The following RAB2A variants were observed in gnomAD, a reference collection of about 807,000 sequenced individuals.
RAB2A encodes ras-related protein Rab-2A.
A neutral mutation model predicts 32.5 loss-of-function variants in RAB2A; 7 were observed. The observed-to-expected ratio is 0.22, with a 90% CI of 0.12 to 0.40. The LOEUF (loss-of-function observed/expected upper bound fraction) is 0.40. Ranked by LOEUF, RAB2A falls within the 10% of genes least tolerant of loss-of-function variation. The pLI is 1.00. For synonymous variants in RAB2A, 79 were observed against 85.2 expected (o/e 0.93, Z 0.40); for missense variants, 108 against 260.7 (o/e 0.41, Z 4.03).
intron 4 of RAB2A, 131 bp from the exon 5 acceptor site, chr8:60,584,592 T>A (rs924991317): frequency 2.9e-6 from 2 of 699,528 alleles, no homozygotes; most frequent in Non-Finnish European, 4.7e-6. Flanking sequence ...CCAGATATGG[T>A]GCTTAAAACT....
At chr8:60,516,940 C>G (rs1020972082), upstream of RAB2A, 1 of 350,654 alleles carries the variant, frequency 2.9e-6, no homozygotes, top group Non-Finnish European at 5.2e-6. Context: ...GGCCGCAGAA[C>G]TTCCGGGTCG....
At chr8:60,584,564 A>G (rs902831007) in intron 4 of RAB2A, among the ~76,000 whole-genome samples, 159 bp from the exon 5 acceptor site, 1 of 152,252 alleles carries the variant, frequency 6.6e-6, no homozygotes, top group Non-Finnish European at 1.5e-5. Context: ...ACTGAAATAC[A>G]ATCAGTGAAC....
chr8:60,529,103 G>C (rs1343668277), intron 1 of RAB2A, among the ~76,000 whole-genome samples: 2 of 149,122 alleles, frequency 1.3e-5, no homozygotes, highest in African/African-American at 4.9e-5. Flanking sequence ...TTTTTTCTTT[G>C]TCTTTTTCTT....
At chr8:60,518,076 G>T (rs55761966) in intron 1 of RAB2A, among the ~76,000 whole-genome samples, 22,663 of 152,110 alleles carry the variant, frequency 0.15, 1,847 homozygotes, top group East Asian at 0.26. Flanking sequence ...GTGAGCTCAT[G>T]TCCATGAGCT....
intron 6 of RAB2A, among the ~76,000 whole-genome samples, chr8:60,596,234 A>C (rs1176846526): frequency 1.3e-5 from 2 of 152,246 alleles, no homozygotes; most frequent in African/African-American, 4.8e-5. Context: ...GGACATAGGC[A>C]TGGGCAAAGA....
intron 5 of RAB2A, among the ~76,000 whole-genome samples, chr8:60,589,601 T>C (rs1038678732): frequency 7.2e-5 from 11 of 152,126 alleles, no homozygotes; most frequent in Admixed American, 7.2e-4. Context: ...GTAAGGGTTG[T>C]AATGCAAACC....
At chr8:60,593,751 C>G (rs1227269721) in intron 6 of RAB2A, among the ~76,000 whole-genome samples, 1 of 151,922 alleles carries the variant, frequency 6.6e-6, no homozygotes, top group East Asian at 1.9e-4. Flanking sequence ...TAATAGGTGC[C>G]AACAGTGAAA....
chr8:60,546,685 TTTAA>T (rs1368401512), intron 1 of RAB2A, among the ~76,000 whole-genome samples: 1 of 152,198 alleles, frequency 6.6e-6, no homozygotes, highest in Non-Finnish European at 1.5e-5. Flanking sequence ...GGTTAACTGG[TTTAA>T]TTCTCACAAC....
intron 1 of RAB2A, among the ~76,000 whole-genome samples, chr8:60,540,635 A>C (rs1807626841): frequency 6.6e-6 from 1 of 152,104 alleles, no homozygotes; most frequent in South Asian, 2.1e-4. Context: ...ATGTGCCACC[A>C]CGCCTGGCTA....
intron 6 of RAB2A, 168 bp downstream of exon 6, chr8:60,592,137 C>A: frequency 2.3e-6 from 1 of 428,182 alleles, no homozygotes; most frequent in South Asian, 5.6e-5. Context: ...TTCTGTCAGA[C>A]TCTTAAATCA....
intron 2 of RAB2A, among the ~76,000 whole-genome samples, chr8:60,564,089 ATTATATTCACCCT>A (rs1268695223): frequency 6.6e-6 from 1 of 152,162 alleles, no homozygotes; most frequent in Non-Finnish European, 1.5e-5. Flanking sequence ...TTTTATTTCC[ATTATATTCACCCT>A]TTAGTTTCCT....
Position 60,558,833 on chromosome 8 carries a change from A to AT in RAB2A, c.47-10dup, listed in dbSNP as rs754591239. 250 of 1,557,724 alleles carry AT rather than the reference A, an allele frequency of 1.6e-4. No homozygotes were observed. Among genetic ancestry groups the AT allele is most frequent in the Non-Finnish European group, 1.9e-4 (210 of 1,134,596 alleles). Reference sequence around the variant, plus strand: ...TTTCTGTGAATTTTGTCTCTTATTTATTTTTTTTTAACTTTCAGGTGTTGG... The same window carrying AT: ...TTTCTGTGAATTTTGTCTCTTATTTATTTTTTTTTTAACTTTCAGGTGTTGG... On this transcript the variant is annotated intron_variant, in intron 1 of 7. Transcript: ENST00000262646.
intron 1 of RAB2A, among the ~76,000 whole-genome samples, chr8:60,524,086 A>T (rs1807342760): frequency 1.3e-5 from 2 of 152,094 alleles, no homozygotes; most frequent in Non-Finnish European, 2.9e-5. Context: ...ATAGTGAATC[A>T]TAGAGGCTAT....
At position 60,525,900 on chromosome 8, in the gene RAB2A, GT is replaced by G. The variant is rs893195706; in HGVS notation, c.46+8654del. On this transcript the variant is annotated intron_variant, in intron 1 of 7. Coordinates refer to ENST00000262646, the MANE Select transcript of RAB2A (RefSeq NM_002865.3). ...GGCACTTATATATATATATTTTTTA[GT>G]TTTTTTAATGTAAATGAGAGAATAA... Among the ~76,000 whole-genome samples, 367 of 147,464 alleles carry G rather than the reference GT, an allele frequency of 2.5e-3. 1 individual carries two copies. Among genetic ancestry groups the G allele is most frequent in the Non-Finnish European group, 3.4e-3 (226 of 66,864 alleles).
chr8:60,539,387 C>T lies in RAB2A; in HGVS notation c.47-19465C>T, dbSNP rs113972141. On this transcript the variant is annotated intron_variant, in intron 1 of 7. Transcript: ENST00000262646. Reference sequence around the variant, plus strand: ...TTATCTCTTTTATTACATATTATCTCTTTTATTTCTCACAATAGCCAATGA... The same window carrying T: ...TTATCTCTTTTATTACATATTATCTTTTTTATTTCTCACAATAGCCAATGA... Among the ~76,000 whole-genome samples the T allele has an allele frequency of 4.0e-3, 606 of 152,260 alleles. 7 individuals are homozygous for T. Among genetic ancestry groups the T allele is most frequent in the African/African-American group, 0.014 (585 of 41,532 alleles).
chr8:60,575,839 T>C (rs962856606), intron 3 of RAB2A, among the ~76,000 whole-genome samples: 1 of 152,058 alleles, frequency 6.6e-6, no homozygotes. Context: ...GTATTTTTAG[T>C]AGAGACGGGG....
chr8:60,568,880 A>T (rs914952476), intron 2 of RAB2A, among the ~76,000 whole-genome samples: 15 of 151,422 alleles, frequency 9.9e-5, no homozygotes, highest in South Asian at 8.4e-4. Flanking sequence ...TTTATCACAT[A>T]AAAAAAAAGG....
At chr8:60,561,722 C>CT (rs1235460738) in intron 2 of RAB2A, among the ~76,000 whole-genome samples, 1 of 152,190 alleles carries the variant, frequency 6.6e-6, no homozygotes, top group African/African-American at 2.4e-5. Context: ...TTCAGGCTCA[C>CT]TTATCTCTTG....
intron 6 of RAB2A, among the ~76,000 whole-genome samples, chr8:60,613,830 G>A (rs1424930921): frequency 6.6e-6 from 1 of 152,042 alleles, no homozygotes; most frequent in African/African-American, 2.4e-5. Flanking sequence ...ATTAACTTAG[G>A]CAAATGGATA....
Sources: gnomAD v4.1 joint callset for allele counts (sites outside exome capture counted in the v4.1 genomes callset) on GRCh38, gnomAD v4.1.1 for gene constraint, MANE v1.5 for transcripts, NCBI Gene and HGNC (gene_info 2026-07-23, HGNC 2026-07-21) for gene names.